The following MYO5B variants were observed in gnomAD, a reference collection of about 807,000 sequenced individuals.
The protein encoded by MYO5B is myosin VB.
MYO5B carries 143 observed loss-of-function variants against 229.3 expected under a neutral mutation model. That is an observed-to-expected ratio of 0.62 (90% CI 0.54 to 0.72). The LOEUF is 0.72. MYO5B is among the 30% of genes least tolerant of loss of function. MYO5B has a pLI of 0.00. For synonymous variants in MYO5B, 918 were observed against 885.2 expected (o/e 1.04, Z -0.66); for missense variants, 2,321 against 2,331.0 (o/e 1.00, Z 0.09).
chr18:50,092,192 G>A (rs1877171), intron 1 of MYO5B, among the ~76,000 whole-genome samples: 36,427 of 152,084 alleles, frequency 0.24, 5,053 homozygotes, highest in African/African-American at 0.39. Flanking sequence ...GGGATTTCAA[G>A]TAAGAGGCTC....
chr18:50,066,998 A>G (rs190764622), intron 1 of MYO5B, among the ~76,000 whole-genome samples: 100 of 152,288 alleles, frequency 6.6e-4, no homozygotes, highest in Middle Eastern at 3.4e-3. Context: ...ATGTCCTTTC[A>G]TGTCCAGTTG....
intron 2 of MYO5B, among the ~76,000 whole-genome samples, chr18:50,047,946 G>T (rs2030281463): frequency 7.7e-6 from 1 of 129,342 alleles, no homozygotes; most frequent in East Asian, 2.7e-4. Flanking sequence ...TTGTGGGGTG[G>T]GGGGAGGGGG....
intron 10 of MYO5B, among the ~76,000 whole-genome samples, chr18:49,965,208 C>T (rs886390743): frequency 1.3e-5 from 2 of 152,098 alleles, no homozygotes. Flanking sequence ...GATGAGAGGG[C>T]CTCAAATGAC....
intron 8 of MYO5B, among the ~76,000 whole-genome samples, chr18:49,983,749 T>C (rs777850120): frequency 1.3e-5 from 2 of 152,222 alleles, no homozygotes; most frequent in Admixed American, 1.3e-4. Context: ...TAGATAGGGT[T>C]TGTCTTTTGT....
intron 1 of MYO5B, among the ~76,000 whole-genome samples, chr18:50,068,878 C>G (rs2030885834): frequency 6.6e-6 from 1 of 152,218 alleles, no homozygotes; most frequent in African/African-American, 2.4e-5. Context: ...CTTCCTGCTT[C>G]CCAGTAAGAC....
chr18:49,827,597 G>A, intron 39 of MYO5B, among the ~76,000 whole-genome samples: 1 of 152,004 alleles, frequency 6.6e-6, no homozygotes, highest in South Asian at 2.1e-4. Context: ...CAGTGAATTT[G>A]AAGATAAAGC....
At chr18:50,081,450 C>T (rs996993714) in intron 1 of MYO5B, among the ~76,000 whole-genome samples, 3 of 152,182 alleles carry the variant, frequency 2.0e-5, no homozygotes, top group Non-Finnish European at 4.4e-5. Context: ...GGTGATTCAT[C>T]CACCAGCTAC....
intron 14 of MYO5B, among the ~76,000 whole-genome samples, chr18:49,944,833 T>A (rs1362852375): frequency 6.6e-6 from 1 of 152,072 alleles, no homozygotes; most frequent in Non-Finnish European, 1.5e-5. Context: ...GAGCAAGGCA[T>A]CCACAGACAG....
chr18:49,860,088 G>A (rs1188637516), intron 29 of MYO5B, among the ~76,000 whole-genome samples: 1 of 152,136 alleles, frequency 6.6e-6, no homozygotes, highest in Non-Finnish European at 1.5e-5. Context: ...GGATGGAGAG[G>A]AGCTGCTAGG....
chr18:50,036,756 C>G (rs1321041600), intron 4 of MYO5B, 94 bp downstream of exon 4: 1 of 1,450,476 alleles, frequency 6.9e-7, no homozygotes, highest in African/African-American at 1.4e-5. Flanking sequence ...AATCTCACCA[C>G]CTCACTGTGA....
intron 1 of MYO5B, among the ~76,000 whole-genome samples, chr18:50,129,615 A>C (rs374971537): frequency 6.6e-6 from 1 of 152,194 alleles, no homozygotes; most frequent in African/African-American, 2.4e-5. Context: ...CCACAGCCCT[A>C]TGAAACATCA....
At chr18:50,052,124 G>A (rs558776004) in intron 2 of MYO5B, among the ~76,000 whole-genome samples, 122 of 152,228 alleles carry the variant, frequency 8.0e-4, no homozygotes, top group South Asian at 3.1e-3. Flanking sequence ...AAACTAGTTC[G>A]ACCATTGTGG....
At chr18:49,980,385 A>C (rs1483715997) in intron 9 of MYO5B, 59 bp downstream of exon 9, 1 of 1,194,776 alleles carries the variant, frequency 8.4e-7, no homozygotes, top group African/African-American at 1.5e-5. Context: ...CATTTCAGTC[A>C]TATCAAAGAA....
intron 2 of MYO5B, among the ~76,000 whole-genome samples, chr18:50,042,911 G>A (rs369874076): frequency 3.9e-5 from 6 of 152,206 alleles, no homozygotes; most frequent in Admixed American, 2.6e-4. Flanking sequence ...TGAGCCCAAC[G>A]GCTTCAACTC....
At chr18:49,840,067 T>C (rs1286882748) in intron 35 of MYO5B, 1 of 153,010 alleles carries the variant, frequency 6.5e-6, no homozygotes, top group Non-Finnish European at 1.5e-5. Flanking sequence ...CATTCTTCCT[T>C]GTTATTTGGA....
intron 1 of MYO5B, among the ~76,000 whole-genome samples, chr18:50,067,509 A>T (rs996113628): frequency 6.6e-6 from 1 of 152,184 alleles, no homozygotes; most frequent in Admixed American, 6.5e-5. Flanking sequence ...TTGAAATTCA[A>T]TCCCCAATAT....
intron 36 of MYO5B, 136 bp downstream of exon 36, chr18:49,839,008 C>T (rs2024023883): frequency 1.9e-6 from 2 of 1,073,398 alleles, no homozygotes; most frequent in East Asian, 2.4e-5. Context: ...TCAGTTCTGC[C>T]TTCACTGGAA....
Position 49,882,355 on chromosome 18 carries a change from G to A in MYO5B, c.3046-1900C>T, listed in dbSNP as rs1273474624. 1.3e-3 allele frequency among the ~76,000 whole-genome samples: 8 copies of A among 6,208 alleles called. No individual in the cohort carries two copies. In the Admixed American group the frequency reaches 0.018, roughly 14 times the overall value. The allele number at this position is 6,208 out of a possible 152,430, so 4.1% of individuals were successfully genotyped here. A position where few individuals can be genotyped will look rare whatever the true frequency, so the allele number is the denominator to read the frequency against. On this transcript the variant is annotated intron_variant, in intron 22 of 39. Transcript: ENST00000285039. Reference sequence around the variant, plus strand: ...TAAAATGGAAACCCGGCCAGGTACCGTGCGTGGCTCACACCTGCAATCCCA... The same window carrying A: ...TAAAATGGAAACCCGGCCAGGTACCATGCGTGGCTCACACCTGCAATCCCA...
In MYO5B at chr18:49,937,314, G is replaced by C. The variant is rs370589682; in HGVS notation, c.1836C>G (p.Ile612Met). The C allele has an allele frequency of 5.6e-5, 91 of 1,614,018 alleles. No homozygotes were observed. Among genetic ancestry groups the C allele is most frequent in the Admixed American group, 2.0e-4 (12 of 60,000 alleles). Residue 612 changes from isoleucine to methionine, a missense_variant, in exon 15 of 40, where the codon ATC becomes ATG. By Grantham distance (10) the Ile-to-Met change is conservative. Around this residue, in one of 2 missense-constraint regions of MYO5B, gnomAD observed 2,113 missense variants for 2,044.7 expected, o/e 1.03. Coordinates refer to ENST00000285039, the MANE Select transcript of MYO5B (RefSeq NM_001080467.3). ...TGGGGGGTCTGGCAGAACGGACGCT[G>C]ATCTTCGAAGATGACCCCTTCCCAG... ...TTPGKGSSSK[I>M]SVRSARPPMK... is the part of the protein sequence containing the mutation.
Sources: allele counts gnomAD v4.1 joint callset (sites outside exome capture counted in the v4.1 genomes callset), GRCh38; gene constraint gnomAD v4.1.1; regional missense constraint gnomAD v4.1.1; transcripts MANE v1.5; gene names NCBI Gene and HGNC (gene_info 2026-07-23, HGNC 2026-07-21).